Variants in FGGY observed in about 807,000 individuals in gnomAD.
FGGY encodes the protein FGGY carbohydrate kinase domain-containing protein.
In FGGY, 72 loss-of-function variants were observed where a neutral mutation model predicts 71.3. That is an observed-to-expected ratio of 1.01 (90% CI 0.84 to 1.23). The LOEUF is 1.23. FGGY is among the 50% of genes most tolerant of loss of function. The pLI is 0.00. For synonymous variants in FGGY, 251 were observed against 250.3 expected, an observed-to-expected ratio of 1.00 and a Z score of -0.02; for missense variants, 668 against 682.3, an observed-to-expected ratio of 0.98 and a Z score of 0.23.
chr1:59,551,128 G>A (rs755469590), intron 7 of FGGY, among the ~76,000 whole-genome samples: 3 of 152,124 alleles, frequency 2.0e-5, no homozygotes, highest in Non-Finnish European at 2.9e-5. Context: ...GAGAGTGATG[G>A]TAGTGATGAT....
chr1:59,414,061 G>A (rs925425817), intron 5 of FGGY, among the ~76,000 whole-genome samples: 1 of 152,226 alleles, frequency 6.6e-6, no homozygotes, highest in African/African-American at 2.4e-5. Flanking sequence ...ATAACTAACT[G>A]TATTAAAATA....
At chr1:59,629,737 A>G (rs2096890966) in intron 10 of FGGY, among the ~76,000 whole-genome samples, 1 of 152,204 alleles carries the variant, frequency 6.6e-6, no homozygotes, top group Non-Finnish European at 1.5e-5. Flanking sequence ...TATAGTCTGG[A>G]GACCTGAATC....
intron 8 of FGGY, among the ~76,000 whole-genome samples, chr1:59,577,198 C>T (rs930826259): frequency 1.2e-4 from 18 of 152,188 alleles, no homozygotes; most frequent in Admixed American, 1.2e-3. Flanking sequence ...GAGTCAATCA[C>T]AGAGCATTCT....
intron 6 of FGGY, among the ~76,000 whole-genome samples, chr1:59,510,055 T>A (rs2153627709): frequency 6.6e-6 from 1 of 150,432 alleles, no homozygotes; most frequent in Admixed American, 6.6e-5. Context: ...TTTTTTTTTT[T>A]AACATACATA....
In FGGY at chr1:59,378,746, C is replaced by G. The variant is rs758532384; in HGVS notation, c.466-3C>G. The stretch of plus-strand genomic sequence containing the variant: ...TGATTCTAATATATATTTAATTTGG[C>G]AGAACTTGAGAGAGATTTGCTGGGA... On this transcript the variant is annotated splice_region_variant and splice_polypyrimidine_tract_variant and intron_variant, in intron 4 of 15. Transcript: ENST00000303721. 6.2e-7 allele frequency: 1 copy of G among 1,611,818 alleles called. No homozygotes were observed. Among genetic ancestry groups the G allele is most frequent in the South Asian group, 1.1e-5 (1 of 90,868 alleles).
At chr1:59,487,584 C>T (rs895537221) in intron 6 of FGGY, among the ~76,000 whole-genome samples, 2 of 152,224 alleles carry the variant, frequency 1.3e-5, no homozygotes, top group Non-Finnish European at 2.9e-5. Context: ...CTCAGTTACT[C>T]AGCATTAAGA....
chr1:59,590,646 A>G (rs1206654307), intron 8 of FGGY, among the ~76,000 whole-genome samples: 1 of 152,250 alleles, frequency 6.6e-6, no homozygotes, highest in Non-Finnish European at 1.5e-5. Flanking sequence ...AGGCAAATCA[A>G]TAAATGTAAT....
chr1:59,427,591 A>G (rs922055314), intron 5 of FGGY, among the ~76,000 whole-genome samples: 10 of 152,194 alleles, frequency 6.6e-5, no homozygotes, highest in African/African-American at 1.9e-4. Flanking sequence ...TCTGTCTTCA[A>G]TCAAAGCATT....
chr1:59,301,827 C>T (rs1429601806), intron 1 of FGGY, among the ~76,000 whole-genome samples: 5 of 150,110 alleles, frequency 3.3e-5, no homozygotes, highest in African/African-American at 1.2e-4. Context: ...GATTCTCCTG[C>T]CTCAGCTTCC....
intron 11 of FGGY, among the ~76,000 whole-genome samples, chr1:59,654,539 C>T (rs1169984241): frequency 2.6e-5 from 4 of 152,120 alleles, no homozygotes; most frequent in Non-Finnish European, 4.4e-5. Flanking sequence ...TATTTTTAAG[C>T]CTTTTTTTTC....
intron 6 of FGGY, among the ~76,000 whole-genome samples, chr1:59,480,365 C>T (rs1569694783): frequency 6.6e-6 from 1 of 152,158 alleles, no homozygotes. Context: ...CTCTCATGGT[C>T]TTGTTTTGCT....
At chr1:59,357,853 G>A (rs190594476) in intron 4 of FGGY, among the ~76,000 whole-genome samples, 1 of 152,360 alleles carries the variant, frequency 6.6e-6, no homozygotes, top group Admixed American at 6.5e-5. Context: ...CCTGTTGCCA[G>A]TCTTCCTGAC....
intron 11 of FGGY, among the ~76,000 whole-genome samples, chr1:59,640,120 C>T (rs905717286): frequency 2.0e-5 from 3 of 152,190 alleles, no homozygotes; most frequent in African/African-American, 7.2e-5. Context: ...TGTTTGTTCA[C>T]ATACCTCATA....
intron 11 of FGGY, among the ~76,000 whole-genome samples, chr1:59,651,997 C>G (rs2097167253): frequency 1.3e-5 from 2 of 149,900 alleles, no homozygotes; most frequent in Non-Finnish European, 3.0e-5. Flanking sequence ...TATTTTATTT[C>G]TCCTTCACTT....
chr1:59,573,543 G>A (rs1313632579), intron 8 of FGGY, among the ~76,000 whole-genome samples: 2 of 151,764 alleles, frequency 1.3e-5, no homozygotes, highest in Non-Finnish European at 2.9e-5. Context: ...TAAAACATTG[G>A]GAAAATCTAG....
intron 15 of FGGY, among the ~76,000 whole-genome samples, chr1:59,761,556 C>T (rs1401917513): frequency 1.3e-5 from 2 of 152,206 alleles, no homozygotes; most frequent in African/African-American, 4.8e-5. Flanking sequence ...AGTTGCAAGG[C>T]TGCAAGTATA....
At chr1:59,326,730 T>G (rs1381839580) in intron 2 of FGGY, among the ~76,000 whole-genome samples, 1 of 152,190 alleles carries the variant, frequency 6.6e-6, no homozygotes, top group African/African-American at 2.4e-5. Flanking sequence ...GTGTTTTTTT[T>G]TTCCTCTAGT....
At chr1:59,363,394 T>A (rs1328439307) in intron 4 of FGGY, among the ~76,000 whole-genome samples, 1 of 152,222 alleles carries the variant, frequency 6.6e-6, no homozygotes, top group Non-Finnish European at 1.5e-5. Context: ...GCTTACTATG[T>A]GCCAGGTGCT....
At chr1:59,516,904 G>A (rs2094669848) in intron 7 of FGGY, among the ~76,000 whole-genome samples, 1 of 152,130 alleles carries the variant, frequency 6.6e-6, no homozygotes, top group African/African-American at 2.4e-5. Flanking sequence ...GGGAGGCCTG[G>A]GATGGGAGGA....
Sources: gnomAD v4.1 joint callset for allele counts (sites outside exome capture counted in the v4.1 genomes callset) on GRCh38, gnomAD v4.1.1 for gene constraint, MANE v1.5 for transcripts, NCBI Gene and HGNC (gene_info 2026-07-23, HGNC 2026-07-21) for gene names.